DIP2C: variants seen among roughly 807,000 people sequenced by gnomAD.
The protein encoded by DIP2C is disco-interacting protein 2 homolog C.
DIP2C carries 33 observed loss-of-function variants against 192.4 expected under a neutral mutation model. That is an observed-to-expected ratio of 0.17 (90% CI 0.13 to 0.23). The LOEUF (loss-of-function observed/expected upper bound fraction) is 0.23, where lower values mean the gene tolerates loss of function less well. Among genes scored for constraint, DIP2C ranks in the 10% least tolerant of loss-of-function variants. DIP2C has a pLI of 1.00. For synonymous variants in DIP2C, 979 were observed against 864.1 expected, an observed-to-expected ratio of 1.13 and a Z score of -2.33; for missense variants, 1,537 against 2,110.1, an observed-to-expected ratio of 0.73 and a Z score of 5.32.
intron 1 of DIP2C, among the ~76,000 whole-genome samples, chr10:559,213 TTAA>T (rs1849062898): frequency 6.6e-6 from 1 of 152,100 alleles, no homozygotes; most frequent in African/African-American, 2.4e-5. Context: ...GTGAATCACT[TTAA>T]TAATGAGAGA....
intron 31 of DIP2C, 37 bp from the exon 32 acceptor site, chr10:310,129 A>G (rs767159040): frequency 4.4e-6 from 7 of 1,578,346 alleles, no homozygotes; most frequent in African/African-American, 2.7e-5. Context: ...TCAAGTTTAC[A>G]TGGAGGGAGA....
chr10:454,717 C>A lies in DIP2C; in HGVS notation c.269-13721G>T, dbSNP rs147301859. ...ATACTCAGGGATAAAAACATCAGCA[C>A]CCCTCAGAGAAAGAGGTAGTATACA... On this transcript the variant is annotated intron_variant, in intron 3 of 36. Transcript: ENST00000280886. Among the ~76,000 whole-genome samples the A allele has an allele frequency of 3.1e-4, 47 of 152,056 alleles. No individual in the cohort carries two copies. The South Asian group carries it at 3.7e-3, about 12-fold the overall frequency.
At chr10:645,879 CCT>C (rs1310769302) in intron 1 of DIP2C, among the ~76,000 whole-genome samples, 1 of 152,166 alleles carries the variant, frequency 6.6e-6, no homozygotes, top group Non-Finnish European at 1.5e-5. Flanking sequence ...GGACATAAAC[CCT>C]GTCTCCCCCA....
chr10:570,245 T>C (rs1330840538), intron 1 of DIP2C, among the ~76,000 whole-genome samples: 1 of 152,128 alleles, frequency 6.6e-6, no homozygotes, highest in Non-Finnish European at 1.5e-5. Flanking sequence ...ATGTAGATCA[T>C]CTCATTTAAA....
chr10:670,176 ATGTACACGTG>A (rs1357323310), intron 1 of DIP2C, among the ~76,000 whole-genome samples: 3 of 152,144 alleles, frequency 2.0e-5, no homozygotes, highest in African/African-American at 7.2e-5. Context: ...ATGCATGAAC[ATGTACACGTG>A]TGTACATGTG....
chr10:374,030 T>C (rs975437808), intron 17 of DIP2C, among the ~76,000 whole-genome samples: 2 of 152,184 alleles, frequency 1.3e-5, no homozygotes, highest in African/African-American at 2.4e-5. Flanking sequence ...CAACCTGGTG[T>C]TGGATCTGAT....
intron 1 of DIP2C, among the ~76,000 whole-genome samples, chr10:531,305 T>A (rs1425523974): frequency 1.3e-5 from 2 of 152,068 alleles, no homozygotes; most frequent in Admixed American, 6.5e-5. Flanking sequence ...ACGAACCTGA[T>A]GAACACACAC....
chr10:491,491 G>C (rs1255295751), intron 1 of DIP2C, among the ~76,000 whole-genome samples: 3 of 152,190 alleles, frequency 2.0e-5, no homozygotes, highest in Non-Finnish European at 2.9e-5. Context: ...TTCTCCAGCA[G>C]GCGCTGCAGA....
At chr10:344,560 A>G (rs1055386746) in intron 28 of DIP2C, among the ~76,000 whole-genome samples, 5 of 152,242 alleles carry the variant, frequency 3.3e-5, no homozygotes, top group African/African-American at 4.8e-5. Context: ...AAACATTCGC[A>G]GTGTTCTACT....
intron 1 of DIP2C, among the ~76,000 whole-genome samples, chr10:607,562 A>T (rs948492080): frequency 1.3e-5 from 2 of 152,204 alleles, no homozygotes; most frequent in African/African-American, 4.8e-5. Flanking sequence ...GTTCTGATAA[A>T]CCCAGCATAA....
In DIP2C at chr10:651,762, C is replaced by T; in HGVS notation, c.85+37732G>A. On this transcript the variant is annotated intron_variant, in intron 1 of 36. Transcript: ENST00000280886. This position sits in a 1 kb window ranked among gnomAD's most constrained non-coding sequence, Gnocchi z 4.1. ...GAAGTGGCCTGAGCTGAGAGGGGGCCTGGCATCGCCCACCCAGGTCATCAG... is the reference window on the plus strand; with the variant it reads ...GAAGTGGCCTGAGCTGAGAGGGGGCTTGGCATCGCCCACCCAGGTCATCAG... The T allele has an allele frequency of 3.6e-6, 1 of 276,124 alleles. No individual in the cohort carries two copies. The highest frequency in any genetic ancestry group is 1.1e-4 in the East Asian group (1 of 9,522). The allele number at this position is 276,124 out of a possible 1,614,324, so 17.1% of individuals were successfully genotyped here.
intron 34 of DIP2C, among the ~76,000 whole-genome samples, chr10:285,010 A>G (rs1955022940): frequency 6.6e-6 from 1 of 152,332 alleles, no homozygotes; most frequent in African/African-American, 2.4e-5. Context: ...GACACCCTCC[A>G]GGTGCCGGAG....
intron 29 of DIP2C, among the ~76,000 whole-genome samples, chr10:340,194 T>G (rs1434258035): frequency 6.6e-6 from 1 of 150,974 alleles, no homozygotes; most frequent in Non-Finnish European, 1.5e-5. Context: ...AAAAAAAAGA[T>G]AAAAGATCCA....
intron 9 of DIP2C, among the ~76,000 whole-genome samples, chr10:407,415 A>G (rs1331765983): frequency 1.3e-5 from 2 of 152,038 alleles, no homozygotes; most frequent in Admixed American, 6.6e-5. Flanking sequence ...TCTCTCTCCT[A>G]GACTCTGTTT....
intron 1 of DIP2C, among the ~76,000 whole-genome samples, chr10:627,371 G>A (rs1854265049): frequency 1.3e-5 from 2 of 152,216 alleles, no homozygotes; most frequent in Non-Finnish European, 2.9e-5. Flanking sequence ...CCGCTCTGCC[G>A]TACAAGAGAA....
intron 2 of DIP2C, among the ~76,000 whole-genome samples, chr10:481,787 C>A (rs140292582): frequency 6.6e-6 from 1 of 152,178 alleles, no homozygotes; most frequent in Admixed American, 6.5e-5. Context: ...CCTCGTACCA[C>A]GGTAGGGACG....
chr10:524,831 T>C (rs61352458), intron 1 of DIP2C, among the ~76,000 whole-genome samples: 1 of 152,248 alleles, frequency 6.6e-6, no homozygotes, highest in African/African-American at 2.4e-5. Context: ...AAAACTGCTC[T>C]ACAGGACTTT....
At chr10:544,597 T>G (rs2130916660) in intron 1 of DIP2C, among the ~76,000 whole-genome samples, 1 of 152,310 alleles carries the variant, frequency 6.6e-6, no homozygotes. Flanking sequence ...CACCAACATG[T>G]CACCGTCCAG....
chr10:355,452 G>T (rs1959036477), intron 24 of DIP2C, among the ~76,000 whole-genome samples: 1 of 152,186 alleles, frequency 6.6e-6, no homozygotes, highest in Non-Finnish European at 1.5e-5. Context: ...CGCACACTAA[G>T]ATTTTGATAC....
Sources: allele counts gnomAD v4.1 joint callset (sites outside exome capture counted in the v4.1 genomes callset), GRCh38; gene constraint gnomAD v4.1.1; non-coding constraint Gnocchi (gnomAD v3.1); transcripts MANE v1.5; gene names NCBI Gene and HGNC (gene_info 2026-07-23, HGNC 2026-07-21).